Variants in PHACTR1 observed in about 807,000 individuals in gnomAD.
PHACTR1 encodes RPEL repeat containing 1.
Under a neutral mutation model 69.2 loss-of-function variants are expected in PHACTR1, and 16 were observed. The observed-to-expected ratio is 0.23, with a 90% CI of 0.16 to 0.35. The LOEUF (loss-of-function observed/expected upper bound fraction) is 0.35, where lower values mean the gene tolerates loss of function less well. Among genes scored for constraint, PHACTR1 ranks in the 10% least tolerant of loss-of-function variants. The pLI, the probability that PHACTR1 is intolerant of heterozygous loss-of-function variation, is 1.00. For synonymous variants in PHACTR1, 312 were observed against 284.5 expected (o/e 1.10, Z -0.97); for missense variants, 510 against 734.7 (o/e 0.69, Z 3.54).
At chr6:13,124,921 A>G (rs1275289422) in intron 5 of PHACTR1, among the ~76,000 whole-genome samples, 1 of 152,256 alleles carries the variant, frequency 6.6e-6, no homozygotes, top group Non-Finnish European at 1.5e-5. Context: ...TTGAGAGGAC[A>G]AAAATGGCCA....
intron 6 of PHACTR1, among the ~76,000 whole-genome samples, chr6:13,168,071 A>G (rs978276147): frequency 6.6e-6 from 1 of 152,186 alleles, no homozygotes; most frequent in Non-Finnish European, 1.5e-5. Flanking sequence ...ACCAGGCACT[A>G]TTGTTTGTCA....
In PHACTR1 at chr6:12,998,130, C is replaced by T. The variant is rs563237280; in HGVS notation, c.251-55235C>T. ...ATCAGTATAGGAAAAATCAACTGCG[C>T]AATATGCAGTACTCAGGAAAAAAAT... On this transcript the variant is annotated intron_variant, in intron 4 of 14. Transcript: ENST00000332995. 4.6e-5 allele frequency among the ~76,000 whole-genome samples: 7 copies of T among 152,144 alleles called. No homozygotes were observed. In the South Asian group the frequency reaches 1.5e-3, roughly 32 times the overall value.
rs751548287 is a variant in PHACTR1 at position 13,182,617 on chromosome 6, C to A, written c.595C>A (p.Pro199Thr). The A allele has an allele frequency of 6.2e-7, 1 of 1,611,394 alleles. No individual in the cohort carries two copies. The highest frequency in any genetic ancestry group is 8.5e-7 in the Non-Finnish European group (1 of 1,178,830). The stretch of plus-strand genomic sequence containing the variant: ...TCTGCCTGCCCTGTCCGAAATGGAG[C>A]CAGTCCCAATGCCCAGGGATCCCTG... ...LSLPALSEME[P>T]VPMPRDPCSY... is the part of the protein sequence containing the mutation. Residue 199 changes from proline (P) to threonine (T), a missense_variant, in exon 7 of 15, where the codon CCA (proline) becomes ACA (threonine). By Grantham distance (38) the Pro-to-Thr change is conservative. Around this residue, in one of 2 missense-constraint regions of PHACTR1, gnomAD observed 419 missense variants for 530.9 expected, o/e 0.79. Coordinates refer to ENST00000332995, the MANE Select transcript of PHACTR1 (RefSeq NM_030948.6).
At chr6:13,088,658 T>A (rs1269473070) in intron 5 of PHACTR1, among the ~76,000 whole-genome samples, 3 of 152,164 alleles carry the variant, frequency 2.0e-5, no homozygotes, top group African/African-American at 7.2e-5. Flanking sequence ...TAGGCTTTGT[T>A]TTGACCCTAG....
intron 3 of PHACTR1, among the ~76,000 whole-genome samples, chr6:12,724,071 T>C (rs1762477002): frequency 6.6e-6 from 1 of 152,184 alleles, no homozygotes; most frequent in Non-Finnish European, 1.5e-5. Flanking sequence ...CTCACACCTG[T>C]AATCCCAGCA....
chr6:12,870,121 G>GGA (rs1554158075), intron 4 of PHACTR1, among the ~76,000 whole-genome samples: 1 of 137,672 alleles, frequency 7.3e-6, no homozygotes, highest in African/African-American at 2.6e-5. Flanking sequence ...TAAGGACATG[G>GGA]AAAAAAAAAA....
chr6:12,893,872 G>A (rs1255229422), intron 4 of PHACTR1, among the ~76,000 whole-genome samples: 1 of 152,172 alleles, frequency 6.6e-6, no homozygotes, highest in Non-Finnish European at 1.5e-5. Context: ...TGCAGGGAGA[G>A]AAGATTCTGG....
chr6:13,257,361 A>G (rs1037070060), intron 10 of PHACTR1, among the ~76,000 whole-genome samples: 1 of 152,196 alleles, frequency 6.6e-6, no homozygotes, highest in African/African-American at 2.4e-5. Flanking sequence ...ACAATTGAAC[A>G]TGAGATTTGG....
chr6:12,807,398 A>C lies in PHACTR1; in HGVS notation c.250+57608A>C, dbSNP rs574967394. On this transcript the variant is annotated intron_variant, in intron 4 of 14. Coordinates refer to ENST00000332995, the MANE Select transcript of PHACTR1 (RefSeq NM_030948.6). ...CAGGCTGATGGCATTGAAGAGGTAG[A>C]TAATGCTACTTTGGAGAATTTTTCA... Among the ~76,000 whole-genome samples the C allele has an allele frequency of 8.5e-5, 13 of 152,340 alleles. No individual in the cohort carries two copies. The South Asian group carries it at 2.5e-3, about 29-fold the overall frequency.
At chr6:13,099,821 A>G (rs1814858415) in intron 5 of PHACTR1, among the ~76,000 whole-genome samples, 1 of 152,192 alleles carries the variant, frequency 6.6e-6, no homozygotes, top group African/African-American at 2.4e-5. Flanking sequence ...TGTTTTTTAA[A>G]TTGAGAAACA....
At chr6:13,019,074 A>ATTT (rs56281010) in intron 4 of PHACTR1, among the ~76,000 whole-genome samples, 2 of 143,660 alleles carry the variant, frequency 1.4e-5, no homozygotes, top group East Asian at 2.0e-4. Flanking sequence ...ATATATATAT[A>ATTT]TTTTTTCTTT....
intron 4 of PHACTR1, among the ~76,000 whole-genome samples, chr6:12,973,956 C>G (rs1794553095): frequency 7.9e-6 from 1 of 126,506 alleles, no homozygotes; most frequent in African/African-American, 3.1e-5. Flanking sequence ...GAGTCTCGCT[C>G]TCTCACCCAG....
chr6:13,039,536 T>C (rs1439572890), intron 4 of PHACTR1, among the ~76,000 whole-genome samples: 1 of 152,190 alleles, frequency 6.6e-6, no homozygotes, highest in Non-Finnish European at 1.5e-5. Flanking sequence ...GCCTACTCTC[T>C]GCTGAACTCA....
At chr6:13,009,117 C>T (rs1582943370) in intron 4 of PHACTR1, among the ~76,000 whole-genome samples, 1 of 152,296 alleles carries the variant, frequency 6.6e-6, no homozygotes, top group Non-Finnish European at 1.5e-5. Context: ...TCTGTCTCTC[C>T]TCTGTGTGCC....
chr6:12,724,536 A>G (rs2127561725), intron 3 of PHACTR1, among the ~76,000 whole-genome samples: 1 of 152,304 alleles, frequency 6.6e-6, no homozygotes, highest in East Asian at 1.9e-4. Flanking sequence ...CAGAGTTTTC[A>G]TTCAAACATA....
chr6:13,249,763 C>A (rs1774107305), intron 10 of PHACTR1, among the ~76,000 whole-genome samples: 1 of 142,014 alleles, frequency 7.0e-6, no homozygotes, highest in Non-Finnish European at 1.5e-5. Context: ...TGCACCACTG[C>A]ACTCCAGCCT....
At chr6:13,160,169 T>A (rs761032110) in intron 5 of PHACTR1, 35 bp from the exon 6 acceptor site, 5 of 1,580,996 alleles carry the variant, frequency 3.2e-6, no homozygotes, top group Non-Finnish European at 4.3e-6. Context: ...TGTTACCTAC[T>A]CACATCTGCC....
At chr6:12,868,978 C>T (rs1023026117) in intron 4 of PHACTR1, among the ~76,000 whole-genome samples, 1 of 152,054 alleles carries the variant, frequency 6.6e-6, no homozygotes, top group Non-Finnish European at 1.5e-5. Context: ...GCCCAGTAGT[C>T]GGTTCCAGGT....
rs553048146 is a variant in PHACTR1, at chr6:13,134,716, T to G, written c.416-25488T>G. 6.8e-3 allele frequency among the ~76,000 whole-genome samples: 1,025 copies of G among 150,078 alleles called. 4 individuals carry two copies. Among genetic ancestry groups the G allele is most frequent in the African/African-American group, 0.024 (958 of 40,506 alleles). On this transcript the variant is annotated intron_variant, in intron 5 of 14. Coordinates refer to ENST00000332995, the MANE Select transcript of PHACTR1 (RefSeq NM_030948.6). The stretch of plus-strand genomic sequence containing the variant: ...GACCCTTGTTCACATGTTTATCTGC[T>G]GACCTTCCCTCCACTATTGTCCTAT...
Sources: allele counts gnomAD v4.1 joint callset (sites outside exome capture counted in the v4.1 genomes callset), GRCh38; gene constraint gnomAD v4.1.1; regional missense constraint gnomAD v4.1.1; transcripts MANE v1.5; gene names NCBI Gene and HGNC (gene_info 2026-07-23, HGNC 2026-07-21).